Variants in PCDHA8 observed in about 807,000 individuals in gnomAD.
PCDHA8 encodes protocadherin alpha-8.
Under a neutral mutation model 61.8 loss-of-function variants are expected in PCDHA8, and 53 were observed. That is an observed-to-expected ratio of 0.86 (90% CI 0.69 to 1.08). The LOEUF (loss-of-function observed/expected upper bound fraction) is 1.08, where lower values mean the gene tolerates loss of function less well. Ranked by LOEUF, PCDHA8 falls within the 50% of genes least tolerant of loss-of-function variation. PCDHA8 has a pLI of 0.00. For synonymous variants in PCDHA8, 618 were observed against 556.6 expected (o/e 1.11, Z -1.55); for missense variants, 1,293 against 1,245.0 (o/e 1.04, Z -0.58).
At chr5:141,009,500 A>G (rs2098409925) in intron 3 of PCDHA8, 127 bp from the exon 4 acceptor site, 2 of 1,494,658 alleles carry the variant, frequency 1.3e-6, no homozygotes, top group Non-Finnish European at 1.8e-6. Flanking sequence ...TCAGACTTGA[A>G]CAAACAACTC....
At chr5:140,913,122 C>A (rs2076217505) in intron 1 of PCDHA8, among the ~76,000 whole-genome samples, 1 of 152,158 alleles carries the variant, frequency 6.6e-6, no homozygotes, top group African/African-American at 2.4e-5. Context: ...TGGAAGTTAA[C>A]CCCTCCTCTA....
chr5:140,849,601 T>G lies in PCDHA8; in HGVS notation c.2394+5886T>G, dbSNP rs2150442110. ...GAGGACGCACAACTGGGGACAGTTA[T>G]TGCCCTGATTAGTGTGATCGACCTA... is the stretch of plus-strand genomic sequence containing the variant. On this transcript the variant is annotated intron_variant, in intron 1 of 3. Transcript: ENST00000531613. The G allele has an allele frequency of 3.9e-5, 63 of 1,598,652 alleles. 7 individuals carry two copies. The highest frequency in any genetic ancestry group is 2.7e-4 in the South Asian group (24 of 90,564).
chr5:140,941,225 T>TTC (rs2092914120), intron 1 of PCDHA8, among the ~76,000 whole-genome samples: 17 of 138,026 alleles, frequency 1.2e-4, no homozygotes, highest in African/African-American at 4.7e-4. Context: ...CTTTCTTTCT[T>TTC]TCTTTCTTTC....
At chr5:140,869,926 G>T in intron 1 of PCDHA8, 1 of 1,611,516 alleles carries the variant, frequency 6.2e-7, no homozygotes, top group Non-Finnish European at 8.5e-7. Flanking sequence ...AGGAGTCAAT[G>T]GAGAGGTAAC....
At chr5:140,865,437 T>A (rs951308725) in intron 1 of PCDHA8, 1 of 152,200 alleles carries the variant, frequency 6.6e-6, no homozygotes, top group Non-Finnish European at 1.5e-5. Flanking sequence ...GAAAAATAAC[T>A]TCTGAGAAGA....
At chr5:140,884,307 C>G (rs144612735) in intron 1 of PCDHA8, 1 of 1,613,724 alleles carries the variant, frequency 6.2e-7, no homozygotes. Context: ...CAGGCTTCGT[C>G]GAGGGCGTCG....
intron 3 of PCDHA8, among the ~76,000 whole-genome samples, chr5:141,007,395 C>CAAAAAAAA (rs35800918): frequency 4.0e-3 from 379 of 94,450 alleles, no homozygotes; most frequent in Non-Finnish European, 5.7e-3. Context: ...TACTAAAATA[C>CAAAAAAAA]AAAAAAAAAA....
intron 1 of PCDHA8, chr5:140,860,573 A>G (rs1299479847): frequency 6.6e-6 from 1 of 152,226 alleles, no homozygotes; most frequent in Non-Finnish European, 1.5e-5. Context: ...ATCATACACA[A>G]GAAGGTATAG....
intron 1 of PCDHA8, chr5:140,969,244 G>C: frequency 6.2e-7 from 1 of 1,614,206 alleles, no homozygotes; most frequent in Non-Finnish European, 8.5e-7. Flanking sequence ...AAGCAGCAGT[G>C]ACTGACAGCA....
rs573889445 is a variant in PCDHA8 at position 140,855,681 on chromosome 5, A to G, written c.2394+11966A>G. ...AGAAATCACTACTCTGAGAGTCTAC[A>G]TTTAAGAAAACATTGCACGTGGGAT... On this transcript the variant is annotated intron_variant, in intron 1 of 3. Coordinates refer to ENST00000531613, the MANE Select transcript of PCDHA8 (RefSeq NM_018911.3). Among the ~76,000 whole-genome samples the G allele has an allele frequency of 1.4e-4, 21 of 149,936 alleles. 1 individual carries two copies. The highest frequency in any genetic ancestry group is 5.1e-4 in the African/African-American group (21 of 40,902).
intron 1 of PCDHA8, chr5:140,867,813 C>A (rs1189080463): frequency 6.6e-6 from 1 of 152,032 alleles, no homozygotes; most frequent in African/African-American, 2.4e-5. Flanking sequence ...TATGAAATTC[C>A]ATTTCCACAA....
At chr5:140,979,894 C>G (rs1183667310) in intron 2 of PCDHA8, among the ~76,000 whole-genome samples, 2 of 152,206 alleles carry the variant, frequency 1.3e-5, no homozygotes, top group African/African-American at 4.8e-5. Context: ...ATTCACCAAA[C>G]TTAGATCAGT....
At chr5:140,927,471 C>A (rs1371582285) in intron 1 of PCDHA8, 2 of 1,613,968 alleles carry the variant, frequency 1.2e-6, no homozygotes, top group African/African-American at 1.3e-5. Flanking sequence ...CACTGGATCG[C>A]GAACAGCGCG....
At position 141,012,035 on chromosome 5, in the gene PCDHA8, G is replaced by A. The variant is rs908623831; in HGVS notation, c.*2098G>A. The A allele has an allele frequency of 1.3e-5, 2 of 153,684 alleles. No individual in the cohort carries two copies. The highest frequency in any genetic ancestry group is 2.9e-5 in the Non-Finnish European group (2 of 68,026). The allele number at this position is 153,684 out of a possible 1,614,324, so 9.5% of individuals were successfully genotyped here. A position where few individuals can be genotyped will look rare whatever the true frequency, so the allele number is the denominator to read the frequency against. On this transcript the variant is annotated 3_prime_UTR_variant, in exon 4 of 4. Coordinates refer to ENST00000531613, the MANE Select transcript of PCDHA8 (RefSeq NM_018911.3). The stretch of plus-strand genomic sequence containing the variant: ...TGTGTAACTTCAGCTCTGCAGGATT[G>A]CATGGGGTAAAACTTGTTACCAACA...
chr5:140,941,809 TAG>T (rs1477400878), intron 1 of PCDHA8, among the ~76,000 whole-genome samples: 5 of 152,254 alleles, frequency 3.3e-5, no homozygotes, highest in Non-Finnish European at 5.9e-5. Context: ...TTGATTTCAG[TAG>T]GATGACTGCT....
At chr5:140,893,182 AT>A (rs782024176) in intron 1 of PCDHA8, among the ~76,000 whole-genome samples, 5 of 152,238 alleles carry the variant, frequency 3.3e-5, no homozygotes, top group Non-Finnish European at 5.9e-5. Context: ...CATAGTAGCT[AT>A]TGTGAATAGT....
chr5:140,877,607 T>C (rs782533203), intron 1 of PCDHA8: 5 of 1,613,712 alleles, frequency 3.1e-6, no homozygotes. Flanking sequence ...AGCCTGCTGG[T>C]GCTCACGCTG....
Position 140,843,374 on chromosome 5 carries a change from G to A in PCDHA8, c.2053G>A (p.Gly685Ser), listed in dbSNP as rs1778834369. ...APKASSRQSA[G>S]VLGPEAALVD... Reference sequence around the variant, plus strand: ...AAAAGCGTCATCGAGGCAGTCGGCTGGCGTTTTGGGTCCGGAAGCGGCGCT... The same window carrying A: ...AAAAGCGTCATCGAGGCAGTCGGCTAGCGTTTTGGGTCCGGAAGCGGCGCT... Residue 685 changes from glycine to serine, a missense_variant, in exon 1 of 4, where the codon GGC becomes AGC. Physicochemically the swap from Gly to Ser is moderately conservative, Grantham distance 56. Transcript: ENST00000531613. 1 of 1,596,014 alleles carries A rather than the reference G, an allele frequency of 6.3e-7. No homozygotes were observed. The highest frequency in any genetic ancestry group is 8.6e-7 in the Non-Finnish European group (1 of 1,165,638).
At chr5:140,917,876 C>CT (rs575141569) in intron 1 of PCDHA8, among the ~76,000 whole-genome samples, 41 of 147,132 alleles carry the variant, frequency 2.8e-4, no homozygotes, top group Admixed American at 1.6e-3. Context: ...TATTTGGGCT[C>CT]TTTTTTTTTT....
Sources: gnomAD v4.1 joint callset for allele counts (sites outside exome capture counted in the v4.1 genomes callset) on GRCh38, gnomAD v4.1.1 for gene constraint, MANE v1.5 for transcripts, NCBI Gene and HGNC (gene_info 2026-07-23, HGNC 2026-07-21) for gene names.